The following CDH11 variants were observed in gnomAD, a reference collection of about 807,000 sequenced individuals.
CDH11 encodes cadherin-11.
In CDH11, 11 loss-of-function variants were observed where a neutral mutation model predicts 67.8. That is an observed-to-expected ratio of 0.16 (90% CI 0.10 to 0.27). The LOEUF (loss-of-function observed/expected upper bound fraction) is 0.27, where lower values mean the gene tolerates loss of function less well. Ranked by LOEUF, CDH11 falls within the 10% of genes least tolerant of loss-of-function variation. The pLI, the probability that CDH11 is intolerant of heterozygous loss-of-function variation, is 1.00. For synonymous variants in CDH11, 419 were observed against 400.0 expected, an observed-to-expected ratio of 1.05 and a Z score of -0.57; for missense variants, 847 against 1,031.2, an observed-to-expected ratio of 0.82 and a Z score of 2.45.
At chr16:65,051,362 G>A (rs1055419646) in intron 2 of CDH11, among the ~76,000 whole-genome samples, 6 of 152,104 alleles carry the variant, frequency 3.9e-5, no homozygotes, top group Non-Finnish European at 1.5e-5. Context: ...TAGCTTGTGT[G>A]GGCTGCAGGA....
intron 2 of CDH11, among the ~76,000 whole-genome samples, chr16:65,053,184 C>T (rs891397081): frequency 6.6e-6 from 1 of 152,142 alleles, no homozygotes; most frequent in Non-Finnish European, 1.5e-5. Flanking sequence ...CCAGTTACCA[C>T]CGAGCAGATG....
At chr16:65,040,348 A>G (rs2073842515) in intron 2 of CDH11, among the ~76,000 whole-genome samples, 1 of 152,244 alleles carries the variant, frequency 6.6e-6, no homozygotes, top group South Asian at 2.1e-4. Context: ...AATGTGACAC[A>G]TATACACCAT....
chr16:65,119,091 G>A (rs371052754), intron 1 of CDH11: 1 of 152,278 alleles, frequency 6.6e-6, no homozygotes, highest in African/African-American at 2.4e-5. Flanking sequence ...ATCAGACCAC[G>A]AGGTCAATGT....
At position 64,990,529 on chromosome 16, in the gene CDH11, T is replaced by G. The variant is rs527579715; in HGVS notation, c.811+1239A>C. Among the ~76,000 whole-genome samples the G allele has an allele frequency of 1.7e-4, 21 of 121,876 alleles. No individual in the cohort carries two copies. The South Asian group carries it at 5.5e-3, about 32-fold the overall frequency. 80.0% of individuals were successfully genotyped at this position (121,876 alleles called of 152,430 possible). A position where few individuals can be genotyped will look rare whatever the true frequency, so the allele number is the denominator to read the frequency against. On this transcript the variant is annotated intron_variant, in intron 6 of 12. Transcript: ENST00000268603. ...AGCAGCACCAGCAGCACCACAGTCATACTGTCCATTCATACACATCTGTAC... is the reference window on the plus strand; with the variant it reads ...AGCAGCACCAGCAGCACCACAGTCAGACTGTCCATTCATACACATCTGTAC...
intron 2 of CDH11, among the ~76,000 whole-genome samples, chr16:65,026,470 G>A (rs1470391748): frequency 6.6e-6 from 1 of 152,100 alleles, no homozygotes; most frequent in Non-Finnish European, 1.5e-5. Context: ...TTCAAATTTT[G>A]CTTTCTGGAG....
At position 65,121,355 on chromosome 16, in the gene CDH11, G is replaced by T. The variant is rs1430188026; in HGVS notation, c.-298+525C>A. 6.6e-6 allele frequency among the ~76,000 whole-genome samples: 1 copy of T among 152,242 alleles called. No individual in the cohort carries two copies. The highest frequency in any genetic ancestry group is 6.5e-5 in the Admixed American group (1 of 15,294). On this transcript the variant is annotated intron_variant, in intron 1 of 12. Coordinates refer to ENST00000268603, the MANE Select transcript of CDH11 (RefSeq NM_001797.4). The surrounding 1 kb of genome is among the most constrained non-coding windows in gnomAD (Gnocchi z 4.1). ...TCCGTTTTCCCGGGCTTACCCGGCAGTCTCGACTGCAGGGACTAAGCCCCG... is the reference window on the plus strand; with the variant it reads ...TCCGTTTTCCCGGGCTTACCCGGCATTCTCGACTGCAGGGACTAAGCCCCG...
intron 11 of CDH11, among the ~76,000 whole-genome samples, chr16:64,964,580 G>A (rs990436421): frequency 1.3e-5 from 2 of 151,760 alleles, no homozygotes; most frequent in Admixed American, 1.3e-4. Flanking sequence ...ACGGAGTCTT[G>A]CTCTGTCACC....
chr16:64,998,932 C>T, intron 3 of CDH11, 76 bp from the exon 4 acceptor site: 1 of 1,177,622 alleles, frequency 8.5e-7, no homozygotes, highest in Non-Finnish European at 1.2e-6. Context: ...GTGATTGCAA[C>T]AATCTGCTGC....
chr16:64,952,772 T>C (rs2071397265), intron 11 of CDH11, among the ~76,000 whole-genome samples: 1 of 152,202 alleles, frequency 6.6e-6, no homozygotes, highest in African/African-American at 2.4e-5. Flanking sequence ...ACTAGCATCA[T>C]GGCCCAATAG....
At chr16:65,015,810 G>C (rs766428523) in intron 2 of CDH11, among the ~76,000 whole-genome samples, 1 of 152,180 alleles carries the variant, frequency 6.6e-6, no homozygotes, top group Non-Finnish European at 1.5e-5. Flanking sequence ...TTGTCCCTAG[G>C]TGGCCTTAAT....
At chr16:65,045,357 A>ATATCTATATC (rs1567546344) in intron 2 of CDH11, among the ~76,000 whole-genome samples, 1 of 104,052 alleles carries the variant, frequency 9.6e-6, no homozygotes, top group Non-Finnish European at 2.0e-5. Context: ...ATATATATAT[A>ATATCTATATC]TATATATATA....
At chr16:64,951,054 C>A in intron 11 of CDH11, 36 bp from the exon 12 acceptor site, 2 of 1,596,266 alleles carry the variant, frequency 1.3e-6, no homozygotes, top group South Asian at 2.2e-5. Context: ...TGCGCCCAGT[C>A]AAGACCATTG....
chr16:65,105,533 A>G (rs1221280833), intron 1 of CDH11, among the ~76,000 whole-genome samples: 1 of 152,260 alleles, frequency 6.6e-6, no homozygotes, highest in Non-Finnish European at 1.5e-5. Context: ...TCAATTTGAT[A>G]TGAAAATGAA....
At chr16:65,065,211 T>A (rs1206382270) in intron 1 of CDH11, among the ~76,000 whole-genome samples, 1 of 152,078 alleles carries the variant, frequency 6.6e-6, no homozygotes, top group Non-Finnish European at 1.5e-5. Context: ...ACAAAGAAAC[T>A]AGGTTGAAGA....
intron 7 of CDH11, chr16:64,983,091 C>A (rs1418953728): frequency 6.6e-6 from 1 of 150,716 alleles, no homozygotes; most frequent in Non-Finnish European, 1.5e-5. Context: ...CTATTTTTGG[C>A]AAGTGACAAG....
Position 65,076,756 on chromosome 16 carries a change from C to G in CDH11, c.-297-22828G>C, listed in dbSNP as rs144385517. On this transcript the variant is annotated intron_variant, in intron 1 of 12. Transcript: ENST00000268603. ...ATATGTTCTCATTGTTAAACTCCCA[C>G]TTATGAGTGAGAACATACGGTGCTT... is the stretch of plus-strand genomic sequence containing the variant. 5.5e-3 allele frequency among the ~76,000 whole-genome samples: 827 copies of G among 150,948 alleles called. 10 individuals are homozygous for G. The highest frequency in any genetic ancestry group is 0.019 in the African/African-American group (766 of 41,036).
chr16:65,090,659 C>T (rs997233264), intron 1 of CDH11, among the ~76,000 whole-genome samples: 10 of 152,194 alleles, frequency 6.6e-5, no homozygotes, highest in Non-Finnish European at 1.5e-4. Context: ...ATAAGGTTTT[C>T]CCAACTCACA....
intron 1 of CDH11, among the ~76,000 whole-genome samples, chr16:65,078,322 C>T (rs1319877204): frequency 1.3e-5 from 2 of 152,058 alleles, no homozygotes; most frequent in Non-Finnish European, 2.9e-5. Context: ...GTGTGTTTAC[C>T]GAGCTCAAAC....
At chr16:65,068,042 A>T (rs1360341938) in intron 1 of CDH11, among the ~76,000 whole-genome samples, 4 of 86,486 alleles carry the variant, frequency 4.6e-5, no homozygotes, top group Admixed American at 1.4e-4. Flanking sequence ...GAGGGAGGGA[A>T]GAAGGGAGGA....
Sources: allele counts gnomAD v4.1 joint callset (sites outside exome capture counted in the v4.1 genomes callset), GRCh38; gene constraint gnomAD v4.1.1; non-coding constraint Gnocchi (gnomAD v3.1); transcripts MANE v1.5; gene names NCBI Gene and HGNC (gene_info 2026-07-23, HGNC 2026-07-21).